Variants in GRIK2 observed in about 807,000 individuals in gnomAD.
GRIK2 encodes glutamate receptor ionotropic, kainate 2.
Under a neutral mutation model 100.3 loss-of-function variants are expected in GRIK2, and 32 were observed. The observed-to-expected ratio is 0.32, with a 90% CI of 0.24 to 0.43. The LOEUF is 0.43. Ranked by LOEUF, GRIK2 falls within the 20% of genes least tolerant of loss-of-function variation. GRIK2 has a pLI of 1.00. For synonymous variants in GRIK2, 417 were observed against 389.4 expected, an observed-to-expected ratio of 1.07 and a Z score of -0.83; for missense variants, 843 against 1,114.9, an observed-to-expected ratio of 0.76 and a Z score of 3.47.
intron 7 of GRIK2, among the ~76,000 whole-genome samples, chr6:101,731,826 A>T (rs1562341583): frequency 1.3e-5 from 2 of 152,028 alleles, no homozygotes. Flanking sequence ...TATGTCAGTT[A>T]CCTACAATTT....
At chr6:102,033,219 T>A (rs1452092384) in intron 14 of GRIK2, among the ~76,000 whole-genome samples, 1 of 151,144 alleles carries the variant, frequency 6.6e-6, no homozygotes, top group Admixed American at 6.6e-5. Context: ...TTATTATTAC[T>A]ATTAATATTT....
chr6:101,721,121 C>T (rs1774451648), intron 7 of GRIK2, among the ~76,000 whole-genome samples: 1 of 151,984 alleles, frequency 6.6e-6, no homozygotes, highest in Non-Finnish European at 1.5e-5. Context: ...TTCCTTTAAT[C>T]AGGCAGCTTC....
At position 101,414,385 on chromosome 6, in the gene GRIK2, T is replaced by C. The variant is rs537719919; in HGVS notation, c.115+14993T>C. ...AATTTATTTCTTCTGTATTTTTATA[T>C]GATTATATATATGAAATTATTTTTA... On this transcript the variant is annotated intron_variant, in intron 2 of 16. Coordinates refer to ENST00000369134, the MANE Select transcript of GRIK2 (RefSeq NM_021956.5). 2.3e-4 allele frequency among the ~76,000 whole-genome samples: 35 copies of C among 152,366 alleles called. No homozygotes were observed. In the Middle Eastern group the frequency reaches 0.024, roughly 104 times the overall value.
chr6:101,917,737 T>A (rs1407302501), intron 12 of GRIK2, among the ~76,000 whole-genome samples: 2 of 151,556 alleles, frequency 1.3e-5, no homozygotes, highest in African/African-American at 4.8e-5. Flanking sequence ...TCCCCACAAA[T>A]ACAGAAGTAA....
At chr6:101,935,182 T>A (rs541846611) in intron 14 of GRIK2, among the ~76,000 whole-genome samples, 1 of 151,974 alleles carries the variant, frequency 6.6e-6, no homozygotes, top group East Asian at 1.9e-4. Context: ...GCTTTTACAA[T>A]ATGACAATTA....
chr6:101,691,410 C>A (rs1429208357), intron 7 of GRIK2, among the ~76,000 whole-genome samples: 2 of 151,312 alleles, frequency 1.3e-5, no homozygotes, highest in Admixed American at 6.6e-5. Context: ...GAGATTCTTG[C>A]GCCTCAGCCT....
intron 2 of GRIK2, among the ~76,000 whole-genome samples, chr6:101,606,096 C>T (rs1048477953): frequency 6.6e-6 from 1 of 151,886 alleles, no homozygotes; most frequent in African/African-American, 2.4e-5. Context: ...TCCAACTTTG[C>T]CCATATTACT....
intron 14 of GRIK2, among the ~76,000 whole-genome samples, chr6:102,009,082 C>T (rs1346432823): frequency 2.0e-5 from 3 of 151,926 alleles, no homozygotes; most frequent in Admixed American, 6.6e-5. Flanking sequence ...GAATGTATAT[C>T]TAAGTATTTA....
intron 7 of GRIK2, among the ~76,000 whole-genome samples, chr6:101,756,133 A>T (rs1777121681): frequency 6.6e-6 from 1 of 152,160 alleles, no homozygotes; most frequent in Non-Finnish European, 1.5e-5. Context: ...CTGCTGCTGC[A>T]CAGTTTCAGA....
rs1582762283 is a variant in GRIK2 at position 102,035,527 on chromosome 6, C to T, written c.2272C>T (p.Leu758Phe). The change falls in exon 15 of 17, where the codon CTT (leucine) becomes TTT (phenylalanine). Residue 758 changes from leucine to phenylalanine, a missense_variant. By Grantham distance (22) the Leu-to-Phe change is conservative. Around this residue, in one of 3 missense-constraint regions of GRIK2, gnomAD observed 237 missense variants for 388.0 expected, o/e 0.61. Coordinates refer to ENST00000369134, the MANE Select transcript of GRIK2 (RefSeq NM_021956.5). ...CTGTAACCTGACACAGATTGGCGGC[C>T]TTATAGACTCTAAAGGTTATGGCGT... ...RNCNLTQIGG[L>F]IDSKGYGVGT... 6.2e-7 allele frequency: 1 copy of T among 1,608,496 alleles called. No individual in the cohort carries two copies. Among genetic ancestry groups the T allele is most frequent in the South Asian group, 1.1e-5 (1 of 90,966 alleles).
chr6:101,455,145 A>T (rs1471806432), intron 2 of GRIK2, among the ~76,000 whole-genome samples: 1 of 152,160 alleles, frequency 6.6e-6, no homozygotes, highest in East Asian at 1.9e-4. Flanking sequence ...ATTAGTGGGC[A>T]TGGCAGGCTG....
At chr6:101,921,444 A>G (rs970926117) in intron 12 of GRIK2, among the ~76,000 whole-genome samples, 2 of 152,080 alleles carry the variant, frequency 1.3e-5, no homozygotes, top group Admixed American at 1.3e-4. Flanking sequence ...TTGGAGGCCA[A>G]TTGATTTAAA....
chr6:101,858,173 T>C (rs1338038776), intron 10 of GRIK2, among the ~76,000 whole-genome samples: 1 of 152,188 alleles, frequency 6.6e-6, no homozygotes, highest in Non-Finnish European at 1.5e-5. Flanking sequence ...TATGTTTTTA[T>C]ACCACTTAGG....
intron 7 of GRIK2, among the ~76,000 whole-genome samples, chr6:101,775,377 C>T (rs950728470): frequency 6.6e-6 from 1 of 152,082 alleles, no homozygotes; most frequent in Non-Finnish European, 1.5e-5. Flanking sequence ...ACCACTATCA[C>T]TCAGTGCTGC....
At chr6:101,990,032 C>T (rs970909362) in intron 14 of GRIK2, among the ~76,000 whole-genome samples, 3 of 151,630 alleles carry the variant, frequency 2.0e-5, no homozygotes, top group Non-Finnish European at 4.4e-5. Context: ...AGAATAGTTG[C>T]TCTGAAACTG....
At chr6:101,593,207 C>CTGAT (rs1371091071) in intron 2 of GRIK2, among the ~76,000 whole-genome samples, 1 of 151,816 alleles carries the variant, frequency 6.6e-6, no homozygotes, top group Non-Finnish European at 1.5e-5. Context: ...CAGTAGATCA[C>CTGAT]TGATAGATAA....
Position 102,068,518 on chromosome 6 carries a change from G to A in GRIK2, c.*7G>A, listed in dbSNP as rs369291938. The A allele has an allele frequency of 1.1e-4, 181 of 1,609,300 alleles. No individual in the cohort carries two copies. The highest frequency in any genetic ancestry group is 4.9e-4 in the Admixed American group (29 of 59,616). ...TAAAGAAACCATGGCATAAAGCTGG[G>A]AGGCCAAACACCCAAGCACAAACTG... On this transcript the variant is annotated 3_prime_UTR_variant, in exon 17 of 17. Coordinates refer to ENST00000369134, the MANE Select transcript of GRIK2 (RefSeq NM_021956.5).
intron 2 of GRIK2, among the ~76,000 whole-genome samples, chr6:101,475,133 A>ACT (rs1007884613): frequency 4.6e-5 from 7 of 151,728 alleles, no homozygotes; most frequent in African/African-American, 1.7e-4. Context: ...GCTTTCCCTG[A>ACT]CTCTCTCTGA....
chr6:101,416,089 C>G (rs2128239120), intron 2 of GRIK2, among the ~76,000 whole-genome samples: 1 of 152,268 alleles, frequency 6.6e-6, no homozygotes, highest in East Asian at 1.9e-4. Flanking sequence ...GCTTCCAGGT[C>G]TTATCCTGTC....
Sources: allele counts gnomAD v4.1 joint callset (sites outside exome capture counted in the v4.1 genomes callset), GRCh38; gene constraint gnomAD v4.1.1; regional missense constraint gnomAD v4.1.1; transcripts MANE v1.5; gene names NCBI Gene and HGNC (gene_info 2026-07-23, HGNC 2026-07-21).